DGKI: variants seen among roughly 807,000 people sequenced by gnomAD.
The protein encoded by DGKI is diacylglycerol kinase iota, also known as DAG kinase iota.
In DGKI, 55 loss-of-function variants were observed where a neutral mutation model predicts 147.5. The ratio of observed to expected loss-of-function variants is 0.37; its 90% CI spans 0.30 to 0.47. DGKI has a LOEUF of 0.47. DGKI is among the 20% of genes least tolerant of loss of function. The pLI is 1.00. For synonymous variants in DGKI, 469 were observed against 477.1 expected (o/e 0.98, Z 0.22); for missense variants, 1,007 against 1,323.8 (o/e 0.76, Z 3.71).
At chr7:137,445,579 G>T (rs1321683848) in intron 27 of DGKI, among the ~76,000 whole-genome samples, 1 of 152,180 alleles carries the variant, frequency 6.6e-6, no homozygotes, top group Non-Finnish European at 1.5e-5. Context: ...AACTAAGGCT[G>T]TATCTTATTT....
intron 1 of DGKI, among the ~76,000 whole-genome samples, chr7:137,840,693 A>G (rs775653812): frequency 5.3e-5 from 8 of 152,256 alleles, no homozygotes; most frequent in Non-Finnish European, 1.0e-4. Context: ...TGCTGGACAA[A>G]GTGTAAATAA....
intron 1 of DGKI, among the ~76,000 whole-genome samples, chr7:137,769,732 T>C (rs75090078): frequency 6.6e-6 from 1 of 152,206 alleles, no homozygotes; most frequent in Non-Finnish European, 1.5e-5. Flanking sequence ...TAGCTCATCA[T>C]CACTGATCAC....
chr7:137,391,963 GAAA>G (rs1028435274), intron 32 of DGKI, among the ~76,000 whole-genome samples: 22 of 152,244 alleles, frequency 1.4e-4, no homozygotes, highest in African/African-American at 4.8e-4. Flanking sequence ...GCACAAAGAA[GAAA>G]AGGAATATCC....
At chr7:137,794,598 T>C (rs1796967666) in intron 1 of DGKI, among the ~76,000 whole-genome samples, 1 of 152,252 alleles carries the variant, frequency 6.6e-6, no homozygotes, top group African/African-American at 2.4e-5. Flanking sequence ...TCTACATTTC[T>C]GACAAGTTCT....
intron 3 of DGKI, among the ~76,000 whole-genome samples, chr7:137,674,230 C>CCA (rs1369816171): frequency 1.3e-5 from 2 of 152,172 alleles, no homozygotes; most frequent in African/African-American, 4.8e-5. Flanking sequence ...TTAAATGTTG[C>CCA]CACCAGAGAG....
At chr7:137,481,511 T>C (rs755375741) in intron 23 of DGKI, among the ~76,000 whole-genome samples, 2 of 152,124 alleles carry the variant, frequency 1.3e-5, no homozygotes, top group African/African-American at 2.4e-5. Flanking sequence ...GCTATTAGGA[T>C]GGAGGGGCCT....
At chr7:137,841,381 G>A (rs1216538869) in intron 1 of DGKI, among the ~76,000 whole-genome samples, 3 of 152,116 alleles carry the variant, frequency 2.0e-5, no homozygotes, top group South Asian at 4.1e-4. Flanking sequence ...ATTTTTATAG[G>A]CATTTTGAGC....
intron 27 of DGKI, among the ~76,000 whole-genome samples, chr7:137,462,803 C>T (rs1375490614): frequency 1.3e-5 from 2 of 152,132 alleles, no homozygotes; most frequent in Non-Finnish European, 2.9e-5. Context: ...AGAGTAGGTG[C>T]GCATGAGTGT....
rs116749163 is a variant in DGKI at position 137,499,555 on chromosome 7, G to T, written c.2249-11866C>A. On this transcript the variant is annotated intron_variant, in intron 21 of 32. Coordinates refer to ENST00000614521, the MANE Select transcript of DGKI (RefSeq NM_001321708.2). ...TAGAACAAAAAGGTGGAATAAAAGTGAATTCTTTCTTCTTGAGTTTGGACA... is the reference window on the plus strand; with the variant it reads ...TAGAACAAAAAGGTGGAATAAAAGTTAATTCTTTCTTCTTGAGTTTGGACA... Among the ~76,000 whole-genome samples, 1,123 of 152,202 alleles carry T rather than the reference G, an allele frequency of 7.4e-3. 11 individuals carry two copies. The highest frequency in any genetic ancestry group is 0.026 in the African/African-American group (1,076 of 41,532).
chr7:137,830,389 C>T (rs891381210), intron 1 of DGKI, among the ~76,000 whole-genome samples: 6 of 152,200 alleles, frequency 3.9e-5, no homozygotes, highest in African/African-American at 1.4e-4. Context: ...CAGGAGAGGT[C>T]CTAGCTGGAG....
intron 1 of DGKI, among the ~76,000 whole-genome samples, chr7:137,838,060 T>A (rs1422880796): frequency 6.8e-6 from 1 of 147,774 alleles, no homozygotes; most frequent in Non-Finnish European, 1.5e-5. Flanking sequence ...TGGAGTGCAG[T>A]GGCTTGATCT....
chr7:137,394,595 CAG>C (rs1231624369), intron 32 of DGKI, among the ~76,000 whole-genome samples: 1 of 152,210 alleles, frequency 6.6e-6, no homozygotes, highest in Non-Finnish European at 1.5e-5. Flanking sequence ...TTCTCCTAAA[CAG>C]AGTTTCCCCT....
intron 1 of DGKI, among the ~76,000 whole-genome samples, chr7:137,824,138 G>A (rs2117044440): frequency 6.6e-6 from 1 of 152,280 alleles, no homozygotes; most frequent in East Asian, 1.9e-4. Flanking sequence ...AGCATGTGAT[G>A]TATAAATACA....
At chr7:137,396,023 T>C in intron 31 of DGKI, 1 of 170,512 alleles carries the variant, frequency 5.9e-6, no homozygotes, top group Non-Finnish European at 1.0e-5. Flanking sequence ...TGTATCTGAA[T>C]ACTGAAGCCA....
chr7:137,582,000 C>A, intron 14 of DGKI, 72 bp from the exon 15 acceptor site: 1 of 1,246,352 alleles, frequency 8.0e-7, no homozygotes, highest in Non-Finnish European at 1.2e-6. Flanking sequence ...AAACCTAAAG[C>A]TGGACCCCTA....
At position 137,382,995 on chromosome 7, in the gene DGKI, T is replaced by C. The variant is rs185191167; in HGVS notation, c.*8225A>G. On this transcript the variant is annotated 3_prime_UTR_variant, in exon 33 of 33. Transcript: ENST00000614521. ...TGATATGGGGTTAAGTCTTGTTTCA[T>C]GACACAAAGTTATAGAAAGTGCCTC... is the stretch of plus-strand genomic sequence containing the variant. 2.0e-5 allele frequency: 3 copies of C among 152,042 alleles called. No individual in the cohort carries two copies. Among genetic ancestry groups the C allele is most frequent in the African/African-American group, 4.8e-5 (2 of 41,542 alleles). The allele number at this position is 152,042 out of a possible 1,614,324, so 9.4% of individuals were successfully genotyped here.
intron 11 of DGKI, among the ~76,000 whole-genome samples, chr7:137,599,533 C>T (rs1819913712): frequency 6.6e-6 from 1 of 152,184 alleles, no homozygotes; most frequent in African/African-American, 2.4e-5. Flanking sequence ...ACAATGAGTC[C>T]TTTCTCAATT....
At chr7:137,549,493 C>G (rs1463106224) in intron 20 of DGKI, among the ~76,000 whole-genome samples, 1 of 152,160 alleles carries the variant, frequency 6.6e-6, no homozygotes, top group Non-Finnish European at 1.5e-5. Context: ...TGGGAACACA[C>G]ACACACACAC....
chr7:137,409,860 G>A (rs980873173), intron 29 of DGKI, among the ~76,000 whole-genome samples: 3 of 151,824 alleles, frequency 2.0e-5, no homozygotes, highest in South Asian at 2.1e-4. Flanking sequence ...TGTTCTCTTC[G>A]CTAGTCTCTA....
Sources: allele counts gnomAD v4.1 joint callset (sites outside exome capture counted in the v4.1 genomes callset), GRCh38; gene constraint gnomAD v4.1.1; transcripts MANE v1.5; gene names NCBI Gene and HGNC (gene_info 2026-07-23, HGNC 2026-07-21).